EIF4G3: variants seen among roughly 807,000 people sequenced by gnomAD.
EIF4G3 encodes the protein eIF-4-gamma 3.
Under a neutral mutation model 186.4 loss-of-function variants are expected in EIF4G3, and 34 were observed. The observed-to-expected ratio is 0.18, with a 90% CI of 0.14 to 0.24. The LOEUF is 0.24. Among genes scored for constraint, EIF4G3 ranks in the 10% least tolerant of loss-of-function variants. The pLI is 1.00. For synonymous variants in EIF4G3, 673 were observed against 679.5 expected (o/e 0.99, Z 0.15); for missense variants, 1,536 against 1,948.5 (o/e 0.79, Z 3.99).
At chr1:20,870,705 T>C (rs1558009864) in intron 20 of EIF4G3, among the ~76,000 whole-genome samples, 1 of 152,212 alleles carries the variant, frequency 6.6e-6, no homozygotes, top group Non-Finnish European at 1.5e-5. Context: ...AGGACAACAT[T>C]TCTCTTGTCC....
chr1:21,102,051 C>T (rs1438792612), intron 2 of EIF4G3, among the ~76,000 whole-genome samples: 4 of 152,152 alleles, frequency 2.6e-5, no homozygotes, highest in Middle Eastern at 3.2e-3. Flanking sequence ...AATTAAGATG[C>T]TGTGAATTCT....
chr1:21,049,605 G>A (rs2094099475), intron 4 of EIF4G3, among the ~76,000 whole-genome samples: 1 of 152,100 alleles, frequency 6.6e-6, no homozygotes, highest in Admixed American at 6.5e-5. Flanking sequence ...GTCATGGTTT[G>A]GCAAACTGTA....
intron 3 of EIF4G3, among the ~76,000 whole-genome samples, chr1:21,086,199 C>T (rs201686817): frequency 9.5e-5 from 9 of 95,204 alleles, no homozygotes; most frequent in Middle Eastern, 9.6e-3. Context: ...ACATGATACT[C>T]TTTTTTTTTT....
At chr1:20,908,928 T>C (rs1275846315) in intron 14 of EIF4G3, among the ~76,000 whole-genome samples, 1 of 152,138 alleles carries the variant, frequency 6.6e-6, no homozygotes. Flanking sequence ...GGCAGGCAGA[T>C]CACTTGAGGT....
rs750084515 is a variant in EIF4G3 at position 20,893,614 on chromosome 1, A to G, written c.2156T>C (p.Met719Thr). 1.3e-6 allele frequency: 2 copies of G among 1,577,736 alleles called. No individual in the cohort carries two copies. The highest frequency in any genetic ancestry group is 1.1e-5 in the South Asian group (1 of 88,268). ...LDKINQPKLP[M>T]RTLDPRILPR... ...CAAAATTCGAGGATCCAGAGTTCGCATTGGCAATTTGGGTTGGTTGATCTG... is the reference window on the plus strand; with the variant it reads ...CAAAATTCGAGGATCCAGAGTTCGCGTTGGCAATTTGGGTTGGTTGATCTG... Residue 719 changes from methionine (M) to threonine (T), a missense_variant, in exon 18 of 37, where the codon ATG becomes ACG. By Grantham distance (81) the Met-to-Thr change is moderately conservative. This residue lies in a region of EIF4G3 where 139 missense variants were observed against 192.8 expected (regional missense o/e 0.72). Coordinates refer to ENST00000602326, the MANE Select transcript of EIF4G3 (RefSeq NM_001391906.1).
intron 4 of EIF4G3, among the ~76,000 whole-genome samples, chr1:21,021,357 T>C (rs1157578147): frequency 6.6e-6 from 1 of 152,178 alleles, no homozygotes; most frequent in African/African-American, 2.4e-5. Flanking sequence ...ATGCTACAAA[T>C]GCTGCACCTC....
Position 20,919,653 on chromosome 1 carries a change from C to T in EIF4G3, c.1664-14682G>A, listed in dbSNP as rs538785515. Among the ~76,000 whole-genome samples, 21 of 152,216 alleles carry T rather than the reference C, an allele frequency of 1.4e-4. No individual in the cohort carries two copies. In the South Asian group the frequency reaches 2.5e-3, roughly 18 times the overall value. On this transcript the variant is annotated intron_variant, in intron 14 of 36. Transcript: ENST00000602326. ...TAAGGCAAGGAAAAGTCTTTTTTCT[C>T]TTGCCTTTAATATATATCATAAAGT... is the stretch of plus-strand genomic sequence containing the variant.
Position 21,005,691 on chromosome 1 carries a change from G to T in EIF4G3, c.-66-2883C>A, listed in dbSNP as rs570733958. 2.6e-5 allele frequency among the ~76,000 whole-genome samples: 4 copies of T among 152,200 alleles called. No homozygotes were observed. The South Asian group carries it at 8.3e-4, about 32-fold the overall frequency. On this transcript the variant is annotated intron_variant, in intron 4 of 36. Transcript: ENST00000602326. ...TGGCATTCAAAGATAAAGTTCTTTT[G>T]TTCAGAAAGAACACCCTTCCTGATC...
intron 3 of EIF4G3, among the ~76,000 whole-genome samples, chr1:21,054,483 GAAAA>G (rs1179781487): frequency 6.6e-6 from 1 of 150,518 alleles, no homozygotes. Flanking sequence ...AAAAAGAAAA[GAAAA>G]AGAAAAAAAC....
At chr1:21,071,399 G>GATTTT (rs2095435344) in intron 3 of EIF4G3, among the ~76,000 whole-genome samples, 1 of 152,126 alleles carries the variant, frequency 6.6e-6, no homozygotes, top group Non-Finnish European at 1.5e-5. Context: ...CTGGACAACA[G>GATTTT]GGTGAGAACC....
chr1:21,102,021 T>C (rs1163095334), intron 2 of EIF4G3, among the ~76,000 whole-genome samples: 3 of 152,208 alleles, frequency 2.0e-5, no homozygotes, highest in Admixed American at 6.5e-5. Flanking sequence ...AGAAGATTTA[T>C]GAAACATGCA....
At chr1:20,915,554 G>A (rs950961886) in intron 14 of EIF4G3, among the ~76,000 whole-genome samples, 7 of 151,874 alleles carry the variant, frequency 4.6e-5, no homozygotes, top group African/African-American at 1.7e-4. Context: ...TTATCCCAGG[G>A]AAGCAGGTTG....
chr1:21,143,384 A>G (rs1216173647), intron 2 of EIF4G3, among the ~76,000 whole-genome samples: 1 of 151,984 alleles, frequency 6.6e-6, no homozygotes, highest in Non-Finnish European at 1.5e-5. Context: ...GAAAGGGGAA[A>G]AGGAAAAGAA....
chr1:20,816,357 G>A (rs1418386991), intron 34 of EIF4G3, among the ~76,000 whole-genome samples: 3 of 43,872 alleles, frequency 6.8e-5, no homozygotes, highest in African/African-American at 2.0e-4. Context: ...CGCCCCGTCC[G>A]GGAGGGAGGT....
chr1:20,865,044 T>C, intron 21 of EIF4G3, 72 bp downstream of exon 21: 2 of 1,561,518 alleles, frequency 1.3e-6, no homozygotes, highest in African/African-American at 1.4e-5. Flanking sequence ...AGATGCTGTA[T>C]CTAGCTTCCT....
At chr1:21,080,818 C>A (rs1383112652) in intron 3 of EIF4G3, among the ~76,000 whole-genome samples, 1 of 152,026 alleles carries the variant, frequency 6.6e-6, no homozygotes, top group Non-Finnish European at 1.5e-5. Context: ...GTGAATTTTT[C>A]ATAAGCAGTT....
chr1:20,906,737 A>T (rs1200269311), intron 14 of EIF4G3, among the ~76,000 whole-genome samples: 1 of 152,106 alleles, frequency 6.6e-6, no homozygotes, highest in African/African-American at 2.4e-5. Flanking sequence ...GATTTAAAAC[A>T]ATAATTCAGA....
Position 20,807,250 on chromosome 1 carries a change from C to A in EIF4G3, c.*69G>T. On this transcript the variant is annotated 3_prime_UTR_variant, in exon 37 of 37. Transcript: ENST00000602326. The stretch of plus-strand genomic sequence containing the variant: ...ATTGGCCTTGCTGCACTGTGATTGG[C>A]GAAGACGTGAAACTTTTTAAAAAAA... 6.8e-7 allele frequency: 1 copy of A among 1,462,302 alleles called. No individual in the cohort carries two copies. The highest frequency in any genetic ancestry group is 9.3e-7 in the Non-Finnish European group (1 of 1,080,112). The allele number at this position is 1,462,302 out of a possible 1,614,324, so 90.6% of individuals were successfully genotyped here. A position where few individuals can be genotyped will look rare whatever the true frequency, so the allele number is the denominator to read the frequency against.
chr1:20,942,037 T>G lies in EIF4G3; in HGVS notation c.1117A>C (p.Thr373Pro). Residue 373 changes from threonine to proline, a missense_variant, in exon 14 of 37, where the codon ACA becomes CCA. Thr to Pro is a conservative substitution (Grantham distance 38, BLOSUM62 -1). Coordinates refer to ENST00000602326, the MANE Select transcript of EIF4G3 (RefSeq NM_001391906.1). ...GGGTCTGATGTTTCTGTGCAAGATGTGAGGCTGGGTATAGGAATTGTGTCT... is the reference window on the plus strand; with the variant it reads ...GGGTCTGATGTTTCTGTGCAAGATGGGAGGCTGGGTATAGGAATTGTGTCT... ...REDTIPIPSL[T>P]SCTETSDPLP... 1.2e-6 allele frequency: 2 copies of G among 1,614,196 alleles called. No homozygotes were observed. The highest frequency in any genetic ancestry group is 1.7e-6 in the Non-Finnish European group (2 of 1,180,014).
Sources: gnomAD v4.1 joint callset for allele counts (sites outside exome capture counted in the v4.1 genomes callset) on GRCh38, gnomAD v4.1.1 for gene constraint, gnomAD v4.1.1 regional missense constraint, MANE v1.5 for transcripts, NCBI Gene and HGNC (gene_info 2026-07-23, HGNC 2026-07-21) for gene names.